The following CASZ1 variants were observed in gnomAD, a reference collection of about 807,000 sequenced individuals.
CASZ1 encodes castor zinc finger 1.
A neutral mutation model predicts 135.2 loss-of-function variants in CASZ1; 28 were observed. The observed-to-expected ratio is 0.21, with a 90% CI of 0.15 to 0.28. The LOEUF is 0.28. CASZ1 is among the 10% of genes least tolerant of loss of function. The probability of loss-of-function intolerance (pLI) is 1.00; values close to 1 mark genes in which losing one functional copy is unlikely to be tolerated. For synonymous variants in CASZ1, 1,068 were observed against 1,073.4 expected (o/e 0.99, Z 0.10); for missense variants, 2,161 against 2,453.3 (o/e 0.88, Z 2.52).
Position 10,700,563 on chromosome 1 carries a change from G to C in CASZ1, c.-24+4929C>G, listed in dbSNP as rs927348566. 2.6e-5 allele frequency among the ~76,000 whole-genome samples: 4 copies of C among 152,192 alleles called. No individual in the cohort carries two copies. Among genetic ancestry groups the C allele is most frequent in the Non-Finnish European group, 4.4e-5 (3 of 68,032 alleles). ...CATGATAGGCACATGTGTGTCAGGG[G>C]TGGGGTGGGGGTTAGCCAGGACATC... is the stretch of plus-strand genomic sequence containing the variant. On this transcript the variant is annotated intron_variant, in intron 3 of 20. Coordinates refer to ENST00000377022, the MANE Select transcript of CASZ1 (RefSeq NM_001079843.3). The surrounding 1 kb of genome is among the most constrained non-coding windows in gnomAD (Gnocchi z 4.2).
At chr1:10,751,615 T>C (rs205478) in intron 2 of CASZ1, among the ~76,000 whole-genome samples, 67,337 of 152,134 alleles carry the variant, frequency 0.44, 18,162 homozygotes, top group African/African-American at 0.77. Flanking sequence ...GGGCAGGAGC[T>C]GGCTCGAGAA....
In CASZ1 at chr1:10,735,942, C is replaced by G. The variant is rs1208857537; in HGVS notation, c.-77+24759G>C. On this transcript the variant is annotated intron_variant, in intron 2 of 20. Coordinates refer to ENST00000377022, the MANE Select transcript of CASZ1 (RefSeq NM_001079843.3). This position sits in a 1 kb window ranked among gnomAD's most constrained non-coding sequence, Gnocchi z 5.1. ...AAGTAGCTGCCCTGCGGACACCACT[C>G]TCTCCTACCCAGGGGCAGGGCAGTT... 6.6e-6 allele frequency among the ~76,000 whole-genome samples: 1 copy of G among 152,144 alleles called. No homozygotes were observed. Among genetic ancestry groups the G allele is most frequent in the African/African-American group, 2.4e-5 (1 of 41,428 alleles).
chr1:10,729,418 C>A (rs557751099), intron 2 of CASZ1, among the ~76,000 whole-genome samples: 17 of 152,174 alleles, frequency 1.1e-4, no homozygotes, highest in Non-Finnish European at 1.8e-4. Context: ...TCCCCCACCC[C>A]CTTAGCTATC....
intron 2 of CASZ1, among the ~76,000 whole-genome samples, chr1:10,743,896 C>A (rs1333268096): frequency 3.5e-5 from 3 of 86,114 alleles, no homozygotes; most frequent in Non-Finnish European, 4.5e-5. Context: ...GAGCATGGGG[C>A]GGCGGGGGGA....
chr1:10,719,198 G>A lies in CASZ1; in HGVS notation c.-76-13654C>T, dbSNP rs1442389866. Among the ~76,000 whole-genome samples the A allele has an allele frequency of 1.3e-5, 2 of 152,170 alleles. No homozygotes were observed. The highest frequency in any genetic ancestry group is 1.9e-4 in the East Asian group (1 of 5,178). On this transcript the variant is annotated intron_variant, in intron 2 of 20. Transcript: ENST00000377022. The surrounding 1 kb of genome is among the most constrained non-coding windows in gnomAD (Gnocchi z 4.0). ...CTCCCTAAGTGCTGGGATTACAGGCGTGAGCCACCGCACCCGGCCCCGTGC... is the reference window on the plus strand; with the variant it reads ...CTCCCTAAGTGCTGGGATTACAGGCATGAGCCACCGCACCCGGCCCCGTGC...
In CASZ1 at chr1:10,645,045, G is replaced by A; in HGVS notation, c.3740C>T (p.Thr1247Ile). The A allele has an allele frequency of 2.5e-6, 4 of 1,614,084 alleles. No individual in the cohort carries two copies. The highest frequency in any genetic ancestry group is 3.4e-6 in the Non-Finnish European group (4 of 1,180,012). Residue 1247 changes from threonine to isoleucine, a missense_variant, in exon 18 of 21, where the codon ACC (threonine) becomes ATC (isoleucine). Coordinates refer to ENST00000377022, the MANE Select transcript of CASZ1 (RefSeq NM_001079843.3). Reference protein sequence around the residue: ...RMRGHYHCLRTGCYFVTNITT... With the variant: ...RMRGHYHCLRIGCYFVTNITT... ...GATGTTGGTCACAAAATAGCAGCCG[G>A]TGCGGAGGCAGTGGTAGTGCCCACG...
chr1:10,782,004 C>T (rs997355020), intron 1 of CASZ1, among the ~76,000 whole-genome samples: 2 of 152,234 alleles, frequency 1.3e-5, no homozygotes, highest in African/African-American at 2.4e-5. Flanking sequence ...CCCTGAGGGG[C>T]CTCCCTGGCC....
intron 11 of CASZ1, chr1:10,653,132 C>T (rs1451607708): frequency 1.9e-5 from 11 of 590,154 alleles, no homozygotes; most frequent in Non-Finnish European, 3.4e-5. Context: ...CAGGGACCAT[C>T]GCCCCCAGCT....
chr1:10,661,909 TCATA>T (rs1283857285), intron 5 of CASZ1, among the ~76,000 whole-genome samples: 5 of 148,472 alleles, frequency 3.4e-5, no homozygotes, highest in African/African-American at 1.0e-4. Flanking sequence ...ATATGCATTC[TCATA>T]CACTCTCACA....
chr1:10,653,232 A>G, intron 11 of CASZ1, 145 bp downstream of exon 11: 1 of 887,324 alleles, frequency 1.1e-6, no homozygotes, highest in South Asian at 1.5e-5. Flanking sequence ...GGGGGCGAAG[A>G]TCAGGCAAAG....
intron 2 of CASZ1, among the ~76,000 whole-genome samples, chr1:10,746,284 G>A (rs758987048): frequency 3.3e-5 from 5 of 152,112 alleles, no homozygotes; most frequent in African/African-American, 4.8e-5. Context: ...ACGCATGCAC[G>A]GCAAAATTAA....
intron 2 of CASZ1, among the ~76,000 whole-genome samples, chr1:10,742,724 C>T (rs1437459278): frequency 6.6e-6 from 1 of 152,160 alleles, no homozygotes; most frequent in Non-Finnish European, 1.5e-5. Context: ...TGGCTCATGC[C>T]TGTAATCTCA....
Position 10,794,592 on chromosome 1 carries a change from G to T in CASZ1, c.-234+1972C>A, listed in dbSNP as rs186707786. 8.7e-4 allele frequency among the ~76,000 whole-genome samples: 132 copies of T among 152,268 alleles called. No individual in the cohort carries two copies. The highest frequency in any genetic ancestry group is 1.7e-3 in the Non-Finnish European group (119 of 68,018). On this transcript the variant is annotated intron_variant, in intron 1 of 20. Coordinates refer to ENST00000377022, the MANE Select transcript of CASZ1 (RefSeq NM_001079843.3). This position sits in a 1 kb window ranked among gnomAD's most constrained non-coding sequence, Gnocchi z 5.6. ...GAGGTCCTCGCCGCGCCCAGAGCCG[G>T]CTTTCCAAGCTGAAGCTGGGGCAGA...
rs1323388616 is a variant in CASZ1, at chr1:10,700,042, GAGAGAGAA to G, written c.-24+5442_-24+5449del. Among the ~76,000 whole-genome samples, 1 of 150,990 alleles carries G rather than the reference GAGAGAGAA, an allele frequency of 6.6e-6. No individual in the cohort carries two copies. Among genetic ancestry groups the G allele is most frequent in the Admixed American group, 6.6e-5 (1 of 15,166 alleles). ...AGAGAAAGAGAGAGAGAGACAGAGA[GAGAGAGAA>G]AGAGAGACAGAGAGAGAAAGAGAGA... On this transcript the variant is annotated intron_variant, in intron 3 of 20. Transcript: ENST00000377022. The surrounding 1 kb of genome is among the most constrained non-coding windows in gnomAD (Gnocchi z 4.2).
At chr1:10,671,524 C>T (rs1464514470) in intron 4 of CASZ1, among the ~76,000 whole-genome samples, 1 of 152,212 alleles carries the variant, frequency 6.6e-6, no homozygotes, top group Non-Finnish European at 1.5e-5. Context: ...CTCTCAGTGC[C>T]TGAGCTGCCC....
intron 1 of CASZ1, among the ~76,000 whole-genome samples, chr1:10,775,357 C>T (rs916971848): frequency 2.0e-5 from 3 of 152,058 alleles, no homozygotes; most frequent in Admixed American, 6.5e-5. Context: ...GTTCAGACGA[C>T]TTGATTTTTT....
intron 4 of CASZ1, among the ~76,000 whole-genome samples, chr1:10,693,497 C>CAAAA (rs1172496673): frequency 0.018 from 425 of 23,286 alleles, 106 homozygotes; most frequent in African/African-American, 0.072. Context: ...TTGCAGAGAA[C>CAAAA]AAAAAAAAAA....
At chr1:10,643,492 C>G (rs570072897) in intron 18 of CASZ1, among the ~76,000 whole-genome samples, 181 bp from the exon 19 acceptor site, 2 of 152,234 alleles carry the variant, frequency 1.3e-5, no homozygotes, top group African/African-American at 4.8e-5. Context: ...TCCAAAGCCC[C>G]CTGGCTGTCC....
rs182386039 is a variant in CASZ1 at position 10,706,224 on chromosome 1, C to T, written c.-76-680G>A. Among the ~76,000 whole-genome samples, 149 of 152,288 alleles carry T rather than the reference C, an allele frequency of 9.8e-4. No individual in the cohort carries two copies. Among genetic ancestry groups the T allele is most frequent in the African/African-American group, 3.4e-3 (140 of 41,566 alleles). On this transcript the variant is annotated intron_variant, in intron 2 of 20. Transcript: ENST00000377022. This position sits in a 1 kb window ranked among gnomAD's most constrained non-coding sequence, Gnocchi z 4.3. Reference sequence around the variant, plus strand: ...CAACGTGGAGGCTTTAACCAACACGCGGCCTGGCCCAGCGTGCCAGGCTGG... The same window carrying T: ...CAACGTGGAGGCTTTAACCAACACGTGGCCTGGCCCAGCGTGCCAGGCTGG...
Sources: allele counts gnomAD v4.1 joint callset (sites outside exome capture counted in the v4.1 genomes callset), GRCh38; gene constraint gnomAD v4.1.1; non-coding constraint Gnocchi (gnomAD v3.1); transcripts MANE v1.5; gene names NCBI Gene and HGNC (gene_info 2026-07-23, HGNC 2026-07-21).